The following HIPK3 variants were observed in gnomAD, a reference collection of about 807,000 sequenced individuals.
The protein encoded by HIPK3 is homeodomain interacting protein kinase 3.
In HIPK3, 47 loss-of-function variants were observed where a neutral mutation model predicts 124.2. The observed-to-expected ratio is 0.38, with a 90% CI of 0.30 to 0.48. The LOEUF is 0.48. HIPK3 is among the 20% of genes least tolerant of loss of function. The pLI, the probability that HIPK3 is intolerant of heterozygous loss-of-function variation, is 0.98. For synonymous variants in HIPK3, 482 were observed against 515.2 expected (o/e 0.94, Z 0.87); for missense variants, 1,286 against 1,454.3 (o/e 0.88, Z 1.88).
chr11:33,333,465 A>G (rs1253233103), intron 3 of HIPK3, among the ~76,000 whole-genome samples: 1 of 152,180 alleles, frequency 6.6e-6, no homozygotes. Flanking sequence ...CACATTTCTG[A>G]CATAGTTAAT....
At chr11:33,271,402 C>T (rs1476043392) in intron 1 of HIPK3, among the ~76,000 whole-genome samples, 1 of 151,856 alleles carries the variant, frequency 6.6e-6, no homozygotes, top group African/African-American at 2.4e-5. Context: ...CTCATCCTAA[C>T]AAAAATACAA....
At chr11:33,279,009 A>G (rs1451319273) in intron 1 of HIPK3, among the ~76,000 whole-genome samples, 7 of 152,200 alleles carry the variant, frequency 4.6e-5, no homozygotes, top group Non-Finnish European at 8.8e-5. Context: ...TTGTGATATC[A>G]AAGTACATTT....
chr11:33,271,658 C>G (rs1851127197), intron 1 of HIPK3, among the ~76,000 whole-genome samples: 1 of 152,158 alleles, frequency 6.6e-6, no homozygotes, highest in Non-Finnish European at 1.5e-5. Flanking sequence ...CATTTTCAGT[C>G]TAATGAGGAA....
intron 8 of HIPK3, 127 bp downstream of exon 8, chr11:33,341,813 G>C: frequency 3.5e-6 from 3 of 848,934 alleles, no homozygotes; most frequent in Non-Finnish European, 5.2e-6. Flanking sequence ...AATTTAAGCT[G>C]TTCAGGCCAA....
intron 16 of HIPK3, 92 bp from the exon 17 acceptor site, chr11:33,353,000 C>G: frequency 2.7e-6 from 2 of 749,234 alleles, no homozygotes; most frequent in Non-Finnish European, 4.4e-6. Flanking sequence ...AGTTATCAAT[C>G]ACAAAGGGTA....
chr11:33,316,747 C>T (rs893329971), intron 2 of HIPK3, among the ~76,000 whole-genome samples: 1 of 152,122 alleles, frequency 6.6e-6, no homozygotes, highest in Admixed American at 6.6e-5. Context: ...TTGCCAGACC[C>T]TGGAGGTTGA....
intron 14 of HIPK3, 88 bp from the exon 15 acceptor site, chr11:33,351,520 A>T (rs1042607835): frequency 1.2e-6 from 1 of 825,896 alleles, no homozygotes. Flanking sequence ...TAATGTTCTC[A>T]TCAGTTCACT....
chr11:33,348,962 A>T, intron 13 of HIPK3, 144 bp downstream of exon 13: 1 of 911,276 alleles, frequency 1.1e-6, no homozygotes, highest in Non-Finnish European at 1.6e-6. Context: ...CTAGACAGGG[A>T]ACTTTCTAAA....
chr11:33,332,940 G>A (rs1229543898), intron 3 of HIPK3, among the ~76,000 whole-genome samples: 3 of 152,114 alleles, frequency 2.0e-5, no homozygotes, highest in South Asian at 2.1e-4. Flanking sequence ...GGGAGCAGGC[G>A]TTTCACATGG....
chr11:33,304,706 CAAT>C (rs1852105372), intron 2 of HIPK3, among the ~76,000 whole-genome samples: 1 of 152,190 alleles, frequency 6.6e-6, no homozygotes, highest in Non-Finnish European at 1.5e-5. Context: ...AACCAGTCCT[CAAT>C]GATACACATT....
In HIPK3 at chr11:33,310,099, ATT is replaced by A. The variant is rs563095329; in HGVS notation, c.1098-18409_1098-18408del. ...ATCTTTTCCCCCATTGGTTTTTGGC[ATT>A]TGATTATATTTCTTGTTAGAATGAC... is the stretch of plus-strand genomic sequence containing the variant. On this transcript the variant is annotated intron_variant, in intron 2 of 16. Coordinates refer to ENST00000303296, the MANE Select transcript of HIPK3 (RefSeq NM_005734.5). 1.1e-3 allele frequency among the ~76,000 whole-genome samples: 169 copies of A among 152,070 alleles called. 2 individuals are homozygous for A. Among genetic ancestry groups the A allele is most frequent in the South Asian group, 2.7e-3 (13 of 4,816 alleles).
chr11:33,272,027 C>CA (rs1851137977), intron 1 of HIPK3, among the ~76,000 whole-genome samples: 1 of 152,088 alleles, frequency 6.6e-6, no homozygotes, highest in South Asian at 2.1e-4. Context: ...ATAAGCAACT[C>CA]AAAAAATGTG....
intron 1 of HIPK3, among the ~76,000 whole-genome samples, chr11:33,273,659 T>A (rs183046844): frequency 3.3e-5 from 5 of 152,122 alleles, no homozygotes; most frequent in Admixed American, 2.0e-4. Flanking sequence ...AAAAATACTT[T>A]GAATTTAGCA....
At chr11:33,336,758 G>T (rs988545753) in intron 3 of HIPK3, among the ~76,000 whole-genome samples, 1 of 151,998 alleles carries the variant, frequency 6.6e-6, no homozygotes, top group African/African-American at 2.4e-5. Flanking sequence ...CTATAACCTT[G>T]GCATAGTTTT....
intron 2 of HIPK3, among the ~76,000 whole-genome samples, chr11:33,311,973 T>C (rs1443985668): frequency 1.8e-5 from 1 of 55,342 alleles, no homozygotes; most frequent in East Asian, 4.6e-4. Flanking sequence ...AGACCCTGTT[T>C]CTACACACAC....
chr11:33,296,874 A>G (rs1163609734), intron 2 of HIPK3, among the ~76,000 whole-genome samples: 1 of 152,214 alleles, frequency 6.6e-6, no homozygotes, highest in South Asian at 2.1e-4. Context: ...AGAGAAAGGA[A>G]GATCTCATGT....
chr11:33,289,382 C>G (rs978419987), intron 2 of HIPK3, among the ~76,000 whole-genome samples: 3 of 152,026 alleles, frequency 2.0e-5, no homozygotes, highest in African/African-American at 7.2e-5. Flanking sequence ...GTGTTAGAGG[C>G]TACAGTGAGC....
At chr11:33,349,331 C>G in intron 14 of HIPK3, 44 bp downstream of exon 14, 3 of 1,504,270 alleles carry the variant, frequency 2.0e-6, no homozygotes, top group Non-Finnish European at 2.7e-6. Context: ...AGTAAGTCTA[C>G]TAAAAAGCCT....
intron 1 of HIPK3, among the ~76,000 whole-genome samples, chr11:33,281,559 GAAAAGTA>G (rs1851412895): frequency 6.6e-6 from 1 of 152,258 alleles, no homozygotes; most frequent in South Asian, 2.1e-4. Context: ...GATGTACAGT[GAAAAGTA>G]ATTCTTTTCA....
Sources: gnomAD v4.1 joint callset for allele counts (sites outside exome capture counted in the v4.1 genomes callset) on GRCh38, gnomAD v4.1.1 for gene constraint, MANE v1.5 for transcripts, NCBI Gene and HGNC (gene_info 2026-07-23, HGNC 2026-07-21) for gene names.